The following TDRD5 variants were observed in gnomAD, a reference collection of about 807,000 sequenced individuals.
TDRD5 encodes the protein tudor domain-containing protein 5.
In TDRD5, 41 loss-of-function variants were observed where a neutral mutation model predicts 120.6. The ratio of observed to expected loss-of-function variants is 0.34; its 90% CI spans 0.26 to 0.44. TDRD5 has a LOEUF of 0.44. TDRD5 is among the 20% of genes least tolerant of loss of function. The pLI is 1.00. For missense variants in TDRD5, 1,006 were observed against 1,221.2 expected (o/e 0.82, Z 2.63); for synonymous variants, 430 against 433.7 (o/e 0.99, Z 0.11).
At chr1:179,684,535 G>C (rs901041202) in intron 17 of TDRD5, among the ~76,000 whole-genome samples, 1 of 152,086 alleles carries the variant, frequency 6.6e-6, no homozygotes, top group Non-Finnish European at 1.5e-5. Context: ...TATAGCAGCA[G>C]GATTTATAAT....
chr1:179,648,491 G>A (rs1185671879), intron 11 of TDRD5, among the ~76,000 whole-genome samples: 1 of 138,542 alleles, frequency 7.2e-6, no homozygotes, highest in East Asian at 2.2e-4. Flanking sequence ...TATACCTAAT[G>A]CTAGATGACG....
At chr1:179,634,389 A>G (rs1156444592) in intron 7 of TDRD5, 68 bp from the exon 8 acceptor site, 4 of 1,500,742 alleles carry the variant, frequency 2.7e-6, no homozygotes, top group Middle Eastern at 3.6e-4. Context: ...ATTTTAACAA[A>G]TATGCATAGG....
chr1:179,634,490 G>T lies in TDRD5; in HGVS notation c.1160G>T (p.Cys387Phe). 6.2e-7 allele frequency: 1 copy of T among 1,605,156 alleles called. No homozygotes were observed. Among genetic ancestry groups the T allele is most frequent in the Non-Finnish European group, 8.5e-7 (1 of 1,178,100 alleles). Residue 387 changes from cysteine to phenylalanine, a missense_variant, in exon 8 of 18, where the codon TGT becomes TTT. This residue lies in a region of TDRD5 where 445 missense variants were observed against 515.5 expected (regional missense o/e 0.86). Coordinates refer to ENST00000444136, the MANE Select transcript of TDRD5 (RefSeq NM_001199085.3). Reference protein sequence around the residue: ...QSDKKIEAKACVSSPPRNSLS... With the variant: ...QSDKKIEAKAFVSSPPRNSLS... Reference sequence around the variant, plus strand: ...GATAAGAAAATAGAAGCCAAAGCTTGTGTCTCCAGTCCACCTAGAAATTCA... The same window carrying T: ...GATAAGAAAATAGAAGCCAAAGCTTTTGTCTCCAGTCCACCTAGAAATTCA...
chr1:179,685,052 G>T (rs1279870036), intron 17 of TDRD5, among the ~76,000 whole-genome samples: 3 of 152,284 alleles, frequency 2.0e-5, no homozygotes, highest in Admixed American at 2.0e-4. Flanking sequence ...AGTTTAGTTA[G>T]ATCCCATTTG....
chr1:179,645,865 CTTTT>C (rs1416587964), intron 11 of TDRD5, among the ~76,000 whole-genome samples: 1 of 151,928 alleles, frequency 6.6e-6, no homozygotes, highest in Admixed American at 6.6e-5. Context: ...AAAAAAACTT[CTTTT>C]GTCTGATGTT....
chr1:179,592,592 C>G lies in TDRD5; in HGVS notation c.-14-10C>G. On this transcript the variant is annotated splice_polypyrimidine_tract_variant and intron_variant, in intron 1 of 17. Transcript: ENST00000444136. ...TGCCCCCTTTTCCTCAGCTGCGTTT[C>G]TGTCTTCAGTCCTGTAGGGCACAAT... 1 of 1,603,794 alleles carries G rather than the reference C, an allele frequency of 6.2e-7. No homozygotes were observed.
chr1:179,621,117 C>T (rs1676820086), intron 6 of TDRD5, 26 bp downstream of exon 6: 2 of 1,578,680 alleles, frequency 1.3e-6, no homozygotes, highest in Non-Finnish European at 8.6e-7. Flanking sequence ...TTCCCCAACC[C>T]TAATTTTTTA....
chr1:179,661,258 A>C (rs960707506), intron 14 of TDRD5, among the ~76,000 whole-genome samples: 2 of 151,712 alleles, frequency 1.3e-5, no homozygotes, highest in African/African-American at 4.8e-5. Flanking sequence ...TATTTCTTCA[A>C]ATTATTTTTC....
Position 179,650,934 on chromosome 1 carries a change from T to G in TDRD5, c.1868T>G (p.Val623Gly), listed in dbSNP as rs1486951651. 1 of 1,614,044 alleles carries G rather than the reference T, an allele frequency of 6.2e-7. No individual in the cohort carries two copies. The highest frequency in any genetic ancestry group is 1.7e-5 in the Admixed American group (1 of 60,012). ...TGCGGTTTGAAGCCATTAGTGGGGG[T>G]AGTGGATGAATATGTAGATGGAATC... The part of the protein sequence containing the change: ...KLCGLKPLVG[V>G]VDEYVDGILN... Residue 623 changes from valine to glycine, a missense_variant, in exon 12 of 18, where the codon GTA becomes GGA. Val to Gly is a moderately radical substitution (Grantham distance 109, BLOSUM62 -3). This residue lies in a region of TDRD5 where 158 missense variants were observed against 257.5 expected (regional missense o/e 0.61). Coordinates refer to ENST00000444136, the MANE Select transcript of TDRD5 (RefSeq NM_001199085.3).
chr1:179,598,073 A>C (rs1463294652), intron 4 of TDRD5, among the ~76,000 whole-genome samples: 1 of 152,226 alleles, frequency 6.6e-6, no homozygotes. Context: ...AGCCTACTAC[A>C]CACCTAGGCT....
At chr1:179,625,218 T>C (rs1286884350) in intron 6 of TDRD5, among the ~76,000 whole-genome samples, 1 of 150,972 alleles carries the variant, frequency 6.6e-6, no homozygotes, top group South Asian at 2.1e-4. Flanking sequence ...ATGAAAAAAT[T>C]AAAGGTCTAA....
At chr1:179,622,575 G>A (rs1325693905) in intron 6 of TDRD5, among the ~76,000 whole-genome samples, 1 of 152,086 alleles carries the variant, frequency 6.6e-6, no homozygotes, top group Non-Finnish European at 1.5e-5. Flanking sequence ...AGATATTTCA[G>A]TGCAGAAAAA....
chr1:179,620,917 C>A, intron 5 of TDRD5, 118 bp from the exon 6 acceptor site: 18 of 767,706 alleles, frequency 2.3e-5, no homozygotes, highest in East Asian at 7.0e-5. Context: ...TTTAATATGA[C>A]TAAAATTCAT....
At chr1:179,641,641 A>T (rs550609984) in intron 11 of TDRD5, among the ~76,000 whole-genome samples, 37 of 152,264 alleles carry the variant, frequency 2.4e-4, no homozygotes, top group Middle Eastern at 6.8e-3. Context: ...ATTTTATTGG[A>T]TGTTGGGAGC....
intron 14 of TDRD5, among the ~76,000 whole-genome samples, chr1:179,656,803 G>A (rs1291868112): frequency 1.3e-5 from 2 of 152,182 alleles, no homozygotes; most frequent in South Asian, 2.1e-4. Context: ...TATAATCCTA[G>A]CACTTTGGGA....
At position 179,639,242 on chromosome 1, in the gene TDRD5, G is replaced by A. The variant is rs560509193; in HGVS notation, c.1521-597G>A. 1.4e-4 allele frequency among the ~76,000 whole-genome samples: 22 copies of A among 152,202 alleles called. 1 individual carries two copies. The South Asian group carries it at 4.2e-3, about 29-fold the overall frequency. On this transcript the variant is annotated intron_variant, in intron 9 of 17. Coordinates refer to ENST00000444136, the MANE Select transcript of TDRD5 (RefSeq NM_001199085.3). ...TTTTATCATCCCCATCCTAAACAAG[G>A]AAACTGAAGCGCAGAAAGATTGTCA...
chr1:179,675,285 T>TATTTTA (rs772166890), intron 17 of TDRD5, among the ~76,000 whole-genome samples: 1 of 128,442 alleles, frequency 7.8e-6, no homozygotes, highest in Non-Finnish European at 1.6e-5. Flanking sequence ...TTTTTTTTTT[T>TATTTTA]TTTTTTTTTT....
chr1:179,593,640 A>T lies in TDRD5; in HGVS notation c.413A>T (p.Glu138Val). 1 of 1,614,196 alleles carries T rather than the reference A, an allele frequency of 6.2e-7. No homozygotes were observed. The highest frequency in any genetic ancestry group is 8.5e-7 in the Non-Finnish European group (1 of 1,180,024). The change falls in exon 3 of 18, where the codon GAG (glutamate) becomes GTG (valine). Residue 138 changes from glutamate (E) to valine (V), a missense_variant. This residue lies in a region of TDRD5 where 445 missense variants were observed against 515.5 expected (regional missense o/e 0.86). Transcript: ENST00000444136. Reference sequence around the variant, plus strand: ...ATTCTTCCAGCTGTTGTGAAGAGTGAGTTGAAGGACCTGTTGGCGTTATCT... The same window carrying T: ...ATTCTTCCAGCTGTTGTGAAGAGTGTGTTGAAGGACCTGTTGGCGTTATCT... The part of the protein sequence containing the change: ...APILPAVVKS[E>V]LKDLLALSPV...
At chr1:179,665,103 A>G (rs1233014588) in intron 16 of TDRD5, among the ~76,000 whole-genome samples, 1 of 152,116 alleles carries the variant, frequency 6.6e-6, no homozygotes, top group Non-Finnish European at 1.5e-5. Context: ...TCCTTTGCCC[A>G]TTTTAAAAGT....
Sources: gnomAD v4.1 joint callset for allele counts (sites outside exome capture counted in the v4.1 genomes callset) on GRCh38, gnomAD v4.1.1 for gene constraint, gnomAD v4.1.1 regional missense constraint, MANE v1.5 for transcripts, NCBI Gene and HGNC (gene_info 2026-07-23, HGNC 2026-07-21) for gene names.